The following ZNF385D variants were observed in gnomAD, a reference collection of about 807,000 sequenced individuals.
The protein encoded by ZNF385D is zinc finger protein 385D, also known as zinc finger protein 659.
In ZNF385D, 15 loss-of-function variants were observed where a neutral mutation model predicts 35.8. The observed-to-expected ratio is 0.42, with a 90% confidence interval of 0.28 to 0.64. The LOEUF (loss-of-function observed/expected upper bound fraction) is 0.64, where lower values mean the gene tolerates loss of function less well. Ranked by LOEUF, ZNF385D falls within the 30% of genes least tolerant of loss-of-function variation. ZNF385D has a pLI of 0.23. For synonymous variants in ZNF385D, 212 were observed against 186.8 expected (o/e 1.13, Z -1.10); for missense variants, 474 against 494.6 (o/e 0.96, Z 0.39).
At chr3:21,683,889 CAG>C (rs2066996194) in intron 1 of ZNF385D, among the ~76,000 whole-genome samples, 1 of 150,116 alleles carries the variant, frequency 6.7e-6, no homozygotes, top group Non-Finnish European at 1.5e-5. Flanking sequence ...ATTTTTAACA[CAG>C]AGTGTCCTGA....
intron 3 of ZNF385D, among the ~76,000 whole-genome samples, chr3:22,005,440 A>G (rs1367259322): frequency 6.6e-6 from 1 of 152,054 alleles, no homozygotes; most frequent in Admixed American, 6.6e-5. Context: ...GTCGCAGGGT[A>G]ACTATTTTTA....
At chr3:22,062,045 A>C (rs1261495323) in intron 3 of ZNF385D, among the ~76,000 whole-genome samples, 2 of 152,166 alleles carry the variant, frequency 1.3e-5, no homozygotes, top group African/African-American at 4.8e-5. Context: ...ATTTAATTTT[A>C]ATTTATTTTT....
chr3:22,155,027 A>G (rs959062726), intron 3 of ZNF385D, among the ~76,000 whole-genome samples: 1 of 152,180 alleles, frequency 6.6e-6, no homozygotes, highest in Admixed American at 6.6e-5. Flanking sequence ...GAGAACAGGC[A>G]GATTTTTAAA....
chr3:21,818,941 T>A (rs1160284038), intron 3 of ZNF385D, among the ~76,000 whole-genome samples: 1 of 152,008 alleles, frequency 6.6e-6, no homozygotes, highest in Non-Finnish European at 1.5e-5. Flanking sequence ...CATCAAATAA[T>A]AACATAGCTA....
In ZNF385D at chr3:21,918,079, C is replaced by T. The variant is rs532290403; in HGVS notation, c.325+250738G>A. On this transcript the variant is annotated intron_variant, in intron 3 of 5. Coordinates refer to the ZNF385D transcript ENST00000494108. ...GCAGAGTTTTGCAAGCTGGAATATT[C>T]GAGAATGCTTCTCAATGTGTTTTAA... Among the ~76,000 whole-genome samples the T allele has an allele frequency of 9.2e-5, 14 of 152,266 alleles. No homozygotes were observed. In the South Asian group the frequency reaches 2.7e-3, roughly 29 times the overall value.
chr3:21,584,042 C>T (rs989761125), intron 2 of ZNF385D, among the ~76,000 whole-genome samples: 2 of 151,606 alleles, frequency 1.3e-5, no homozygotes, highest in East Asian at 1.9e-4. Context: ...GGCGTGATCT[C>T]GGCTCACTGC....
chr3:21,421,821 A>AT (rs1478385000), intron 7 of ZNF385D, among the ~76,000 whole-genome samples: 2 of 152,198 alleles, frequency 1.3e-5, no homozygotes, highest in African/African-American at 2.4e-5. Flanking sequence ...TTCTAAAGGG[A>AT]TTTTTAATGC....
intron 3 of ZNF385D, among the ~76,000 whole-genome samples, chr3:21,932,052 A>G (rs1341552684): frequency 6.6e-6 from 1 of 151,312 alleles, no homozygotes; most frequent in South Asian, 2.1e-4. Context: ...CTGTGGTCCC[A>G]GCTACTCGGG....
chr3:21,552,941 A>G (rs958824333), intron 3 of ZNF385D, among the ~76,000 whole-genome samples: 1 of 152,178 alleles, frequency 6.6e-6, no homozygotes, highest in Non-Finnish European at 1.5e-5. Context: ...AGGGTCTGTG[A>G]ATGTGGAAGA....
chr3:21,658,637 TGA>T (rs1415185854), intron 2 of ZNF385D, among the ~76,000 whole-genome samples: 2 of 151,986 alleles, frequency 1.3e-5, no homozygotes, highest in African/African-American at 2.4e-5. Context: ...AAATGTGCGT[TGA>T]GTCTTTGCTA....
chr3:21,436,518 T>C (rs1421696976), intron 5 of ZNF385D, among the ~76,000 whole-genome samples: 1 of 152,140 alleles, frequency 6.6e-6, no homozygotes, highest in Non-Finnish European at 1.5e-5. Flanking sequence ...TTCCATAGAT[T>C]TAGCCCAAAT....
intron 2 of ZNF385D, among the ~76,000 whole-genome samples, chr3:21,578,735 G>C (rs1037471373): frequency 6.6e-6 from 1 of 152,072 alleles, no homozygotes; most frequent in Admixed American, 6.6e-5. Context: ...GGTTTCTATA[G>C]CTTTGTAGTG....
At chr3:21,708,625 T>G (rs2067991808) in intron 1 of ZNF385D, among the ~76,000 whole-genome samples, 1 of 152,162 alleles carries the variant, frequency 6.6e-6, no homozygotes, top group South Asian at 2.1e-4. Flanking sequence ...TCCTTATCAT[T>G]TTCTATGTTT....
chr3:21,939,237 G>A (rs777586998), intron 3 of ZNF385D, among the ~76,000 whole-genome samples: 6 of 152,142 alleles, frequency 3.9e-5, no homozygotes, highest in Admixed American at 6.5e-5. Flanking sequence ...CTTCTACCCC[G>A]TGCCTACTTT....
chr3:22,151,930 G>C (rs1282378158), intron 3 of ZNF385D, among the ~76,000 whole-genome samples: 1 of 152,088 alleles, frequency 6.6e-6, no homozygotes, highest in Non-Finnish European at 1.5e-5. Context: ...GGAGTTTCTT[G>C]TACAGGTTAT....
intron 2 of ZNF385D, among the ~76,000 whole-genome samples, chr3:22,259,052 C>T (rs1700471048): frequency 6.6e-6 from 1 of 151,814 alleles, no homozygotes; most frequent in Non-Finnish European, 1.5e-5. Context: ...ATTGCTATGT[C>T]GATTCTGAAA....
chr3:22,015,559 C>A (rs1418515797), intron 3 of ZNF385D, among the ~76,000 whole-genome samples: 1 of 152,150 alleles, frequency 6.6e-6, no homozygotes, highest in Non-Finnish European at 1.5e-5. Context: ...TTCATCTAGT[C>A]TGGCACCCTT....
intron 4 of ZNF385D, among the ~76,000 whole-genome samples, chr3:21,489,173 T>C (rs1444376170): frequency 6.6e-6 from 1 of 152,082 alleles, no homozygotes; most frequent in Non-Finnish European, 1.5e-5. Context: ...AGGGAATGAT[T>C]CCAATAAGCT....
chr3:21,461,203 A>G (rs1703150282), intron 4 of ZNF385D, among the ~76,000 whole-genome samples: 3 of 152,104 alleles, frequency 2.0e-5, no homozygotes, highest in African/African-American at 7.2e-5. Context: ...TTGAAGTTTG[A>G]TTTTTGTTCT....
Sources: allele counts gnomAD v4.1 joint callset (sites outside exome capture counted in the v4.1 genomes callset), GRCh38; gene constraint gnomAD v4.1.1; transcripts MANE v1.5; gene names NCBI Gene and HGNC (gene_info 2026-07-23, HGNC 2026-07-21).